TMEM255B: variants seen among roughly 807,000 people sequenced by gnomAD.
TMEM255B encodes family with sequence similarity 70, member B.
TMEM255B carries 35 observed loss-of-function variants against 34.5 expected under a neutral mutation model. The ratio of observed to expected loss-of-function variants is 1.01; its 90% CI spans 0.77 to 1.34. TMEM255B has a LOEUF of 1.34. TMEM255B is among the 40% of genes most tolerant of loss of function. TMEM255B has a pLI of 0.00. For missense variants in TMEM255B, 432 were observed against 433.2 expected (o/e 1.00, Z 0.02); for synonymous variants, 206 against 201.2 (o/e 1.02, Z -0.20).
At position 113,759,314 on chromosome 13, in the gene TMEM255B, A is replaced by G; in HGVS notation, c.45A>G (p.Ala15=). 8.1e-7 allele frequency: 1 copy of G among 1,229,308 alleles called. No homozygotes were observed. Among genetic ancestry groups the G allele is most frequent in the Non-Finnish European group, 1.0e-6 (1 of 986,404 alleles). 76.2% of individuals were successfully genotyped at this position (1,229,308 alleles called of 1,614,324 possible). The change falls in exon 1 of 9, where the codon GCA becomes GCG. Residue 15 remains alanine (A), a splice_region_variant and synonymous_variant. Coordinates refer to ENST00000375353, the MANE Select transcript of TMEM255B (RefSeq NM_182614.4). ...VPGPLGLLDP[A]EGLSRRKKTS... is the part of the protein sequence containing the mutation. ...GGCCCCTGGGCCTGCTGGACCCCGC[A>G]GGTGAGCGCGGGGCTGGGGGCTCGT...
At chr13:113,761,201 G>A (rs1389223280) in intron 1 of TMEM255B, 5 of 985,236 alleles carry the variant, frequency 5.1e-6, no homozygotes, top group Non-Finnish European at 6.0e-6. Context: ...TTCCAGGTCC[G>A]GCTGGCAGGA....
chr13:113,807,662 TG>T (rs2051206210), intron 8 of TMEM255B, among the ~76,000 whole-genome samples: 2 of 132,240 alleles, frequency 1.5e-5, no homozygotes, highest in East Asian at 2.4e-4. Flanking sequence ...TTACGGGATG[TG>T]GGGGGCGGTC....
Position 113,769,382 on chromosome 13 carries a change from TG to T in TMEM255B, c.252+223del, listed in dbSNP as rs1373422902. Among the ~76,000 whole-genome samples the T allele has an allele frequency of 6.6e-6, 1 of 152,166 alleles. No individual in the cohort carries two copies. The highest frequency in any genetic ancestry group is 1.9e-4 in the East Asian group (1 of 5,192). On this transcript the variant is annotated intron_variant, in intron 3 of 8. Coordinates refer to ENST00000375353, the MANE Select transcript of TMEM255B (RefSeq NM_182614.4). This position sits in a 1 kb window ranked among gnomAD's most constrained non-coding sequence, Gnocchi z 4.2. ...AGCGAGCATGGCCCTGGGTTGCTGGTGTATCAACCTCACGTGGTGTGCAACC... is the reference window on the plus strand; with the variant it reads ...AGCGAGCATGGCCCTGGGTTGCTGGTTATCAACCTCACGTGGTGTGCAACC...
chr13:113,763,927 G>T (rs1040249297), intron 1 of TMEM255B, among the ~76,000 whole-genome samples: 6 of 152,266 alleles, frequency 3.9e-5, no homozygotes, highest in African/African-American at 1.4e-4. Flanking sequence ...AGGCTGAGAA[G>T]CGAGGGACTG....
At chr13:113,807,515 CTGT>C in intron 8 of TMEM255B, among the ~76,000 whole-genome samples, 2 of 131,118 alleles carry the variant, frequency 1.5e-5, no homozygotes, top group Admixed American at 8.0e-5. Flanking sequence ...GTGGTCCTCC[CTGT>C]CACACGCAGG....
At chr13:113,788,905 C>G (rs1390953270) in intron 3 of TMEM255B, among the ~76,000 whole-genome samples, 1 of 152,140 alleles carries the variant, frequency 6.6e-6, no homozygotes, top group Non-Finnish European at 1.5e-5. Context: ...TCCCTCCTGC[C>G]CCACTCATCC....
intron 3 of TMEM255B, among the ~76,000 whole-genome samples, chr13:113,787,157 G>A (rs1249325117): frequency 6.6e-6 from 1 of 152,218 alleles, no homozygotes; most frequent in Non-Finnish European, 1.5e-5. Flanking sequence ...TAGGCCTTGT[G>A]CAAACCTGCT....
At chr13:113,798,929 T>A (rs2050992422) in intron 4 of TMEM255B, among the ~76,000 whole-genome samples, 1 of 152,194 alleles carries the variant, frequency 6.6e-6, no homozygotes, top group African/African-American at 2.4e-5. Context: ...GGGATGAGTT[T>A]ATTGGTCTGA....
At chr13:113,792,645 C>T (rs1175334142) in intron 3 of TMEM255B, among the ~76,000 whole-genome samples, 1 of 152,244 alleles carries the variant, frequency 6.6e-6, no homozygotes, top group Non-Finnish European at 1.5e-5. Flanking sequence ...CTGTCTGTTC[C>T]TCCAGCACAC....
In TMEM255B at chr13:113,811,938, T is replaced by G. The variant is rs368905669; in HGVS notation, c.*35T>G. On this transcript the variant is annotated 3_prime_UTR_variant, in exon 9 of 9. Coordinates refer to ENST00000375353, the MANE Select transcript of TMEM255B (RefSeq NM_182614.4). ...GGAGTAAAAGATAACTTGTTTGTTT[T>G]TTTTTTTAAAAAAAAGGCAGCCTCT... is the stretch of plus-strand genomic sequence containing the variant. 2.8e-5 allele frequency: 43 copies of G among 1,534,762 alleles called. No homozygotes were observed. Among genetic ancestry groups the G allele is most frequent in the Middle Eastern group, 1.8e-4 (1 of 5,570 alleles).
At chr13:113,762,105 G>GAAAAA (rs11290901) in intron 1 of TMEM255B, among the ~76,000 whole-genome samples, 1,893 of 147,658 alleles carry the variant, frequency 0.013, 18 homozygotes, top group African/African-American at 0.026. Flanking sequence ...TCCGGGACAG[G>GAAAAA]AAAAAAAAAA....
At chr13:113,786,736 G>A (rs1263056385) in intron 3 of TMEM255B, among the ~76,000 whole-genome samples, 2 of 152,210 alleles carry the variant, frequency 1.3e-5, no homozygotes, top group East Asian at 3.8e-4. Context: ...CTGCTGGGGA[G>A]TGAATTTCCT....
intron 1 of TMEM255B, chr13:113,761,123 A>T: frequency 5.3e-6 from 5 of 936,710 alleles, no homozygotes; most frequent in South Asian, 4.9e-5. Flanking sequence ...TTTACCTGGG[A>T]TTGTTACTTG....
chr13:113,772,513 A>G (rs1451443908), intron 3 of TMEM255B, among the ~76,000 whole-genome samples: 1 of 152,114 alleles, frequency 6.6e-6, no homozygotes, highest in Non-Finnish European at 1.5e-5. Flanking sequence ...ACTTTTGCGT[A>G]TGGTATGAGG....
At chr13:113,779,317 G>T (rs2050631205) in intron 3 of TMEM255B, among the ~76,000 whole-genome samples, 1 of 152,186 alleles carries the variant, frequency 6.6e-6, no homozygotes, top group Non-Finnish European at 1.5e-5. Flanking sequence ...AAAGGACGAG[G>T]GGTGATGTGT....
Position 113,769,293 on chromosome 13 carries a change from C to T in TMEM255B, c.252+133C>T, listed in dbSNP as rs1455209567. ...GTCTACAGGACCAGCTCTGAGGTTC[C>T]CGGGCTGTGGCCTGCACAGTCCTGG... is the stretch of plus-strand genomic sequence containing the variant. On this transcript the variant is annotated intron_variant, in intron 3 of 8. Coordinates refer to ENST00000375353, the MANE Select transcript of TMEM255B (RefSeq NM_182614.4). This position sits in a 1 kb window ranked among gnomAD's most constrained non-coding sequence, Gnocchi z 4.2. 5.1e-6 allele frequency: 5 copies of T among 971,014 alleles called. No homozygotes were observed. The highest frequency in any genetic ancestry group is 3.2e-5 in the African/African-American group (2 of 62,566). 60.1% of individuals were successfully genotyped at this position (971,014 alleles called of 1,614,324 possible).
chr13:113,791,370 GAC>G (rs1362217020), intron 3 of TMEM255B, among the ~76,000 whole-genome samples: 3 of 152,244 alleles, frequency 2.0e-5, no homozygotes, highest in Non-Finnish European at 4.4e-5. Context: ...CGCCGAGCCG[GAC>G]AGGGACGCTG....
intron 4 of TMEM255B, among the ~76,000 whole-genome samples, chr13:113,797,068 C>T (rs990249453): frequency 3.3e-5 from 5 of 152,236 alleles, no homozygotes; most frequent in African/African-American, 4.8e-5. Context: ...TCCAGGCGCC[C>T]GTGGCCGTGG....
rs760923769 is a variant in TMEM255B, at chr13:113,800,897, T to C, written c.494T>C (p.Leu165Pro). 2 of 1,609,902 alleles carry C rather than the reference T, an allele frequency of 1.2e-6. No homozygotes were observed. Among genetic ancestry groups the C allele is most frequent in the South Asian group, 2.2e-5 (2 of 90,148 alleles). ...VRSNTCYCCD[L>P]YACGSAEPSP... is the part of the protein sequence containing the mutation. ...AGCAACACCTGTTACTGCTGTGACC[T>C]CTATGCCTGCGGGAGGTGAGGGGCA... is the stretch of plus-strand genomic sequence containing the variant. The change falls in exon 6 of 9, where the codon CTC (leucine) becomes CCC (proline). Residue 165 changes from leucine (L) to proline (P), a missense_variant. Transcript: ENST00000375353.
Sources: allele counts gnomAD v4.1 joint callset (sites outside exome capture counted in the v4.1 genomes callset), GRCh38; gene constraint gnomAD v4.1.1; non-coding constraint Gnocchi (gnomAD v3.1); transcripts MANE v1.5; gene names NCBI Gene and HGNC (gene_info 2026-07-23, HGNC 2026-07-21).